Variants in MRTFB observed in about 807,000 individuals in gnomAD.
The protein encoded by MRTFB is myocardin related transcription factor B, also known as myocardin-related transcription factor B.
MRTFB carries 29 observed loss-of-function variants against 104.2 expected under a neutral mutation model. The observed-to-expected ratio is 0.28, with a 90% CI of 0.21 to 0.38. MRTFB has a LOEUF of 0.38. MRTFB is among the 10% of genes least tolerant of loss of function. The probability of loss-of-function intolerance (pLI) is 1.00; values close to 1 mark genes in which losing one functional copy is unlikely to be tolerated. For missense variants in MRTFB, 1,270 were observed against 1,341.6 expected (o/e 0.95, Z 0.83); for synonymous variants, 535 against 519.5 (o/e 1.03, Z -0.41).
At chr16:14,068,398 T>A (rs571456297), upstream of MRTFB, among the ~76,000 whole-genome samples, 1 of 152,298 alleles carries the variant, frequency 6.6e-6, no homozygotes, top group East Asian at 1.9e-4. Context: ...CATCTTACAC[T>A]GGAGTCCTGA....
intron 2 of MRTFB, among the ~76,000 whole-genome samples, chr16:14,139,044 CATG>C (rs1567371062): frequency 1.3e-5 from 2 of 152,024 alleles, no homozygotes; most frequent in Non-Finnish European, 2.9e-5. Flanking sequence ...GCAACAAAAA[CATG>C]ATCCATAAAA....
chr16:14,195,069 T>A (rs2040373455), intron 3 of MRTFB, among the ~76,000 whole-genome samples: 1 of 152,236 alleles, frequency 6.6e-6, no homozygotes, highest in Non-Finnish European at 1.5e-5. Context: ...AGTGTCTGCA[T>A]TCTAGCATGC....
the MRTFB span, among the ~76,000 whole-genome samples, chr16:14,065,086 A>G: frequency 6.6e-6 from 1 of 152,186 alleles, no homozygotes; most frequent in Non-Finnish European, 1.5e-5. Context: ...CTTCCTGTCC[A>G]TGAGCGTGGA....
At chr16:14,090,539 C>G (rs984332624) in intron 2 of MRTFB, among the ~76,000 whole-genome samples, 1 of 152,134 alleles carries the variant, frequency 6.6e-6, no homozygotes, top group Non-Finnish European at 1.5e-5. Flanking sequence ...AGCTCACATG[C>G]CATGCTAGAA....
rs765837912 is a variant in MRTFB, at chr16:14,213,671, T to C, written c.352+51T>C. On this transcript the variant is annotated intron_variant, in intron 6 of 16. Coordinates refer to ENST00000571589, the MANE Select transcript of MRTFB (RefSeq NM_001308142.2). ...TGCTGTATTTTTTCAAGAAAAGAAG[T>C]GAGAATTTCCACCATTTCTGTTTAT... The C allele has an allele frequency of 4.6e-6, 6 of 1,317,604 alleles. No individual in the cohort carries two copies. In the African/African-American group the frequency reaches 9.0e-5, roughly 20 times the overall value. 81.6% of individuals were successfully genotyped at this position (1,317,604 alleles called of 1,614,324 possible).
chr16:14,035,866 C>T, the MRTFB span, among the ~76,000 whole-genome samples: 3 of 151,564 alleles, frequency 2.0e-5, no homozygotes, highest in Non-Finnish European at 2.9e-5. Context: ...AGTCTTTTAT[C>T]CCTCACCACC....
intron 4 of MRTFB, among the ~76,000 whole-genome samples, chr16:14,211,625 C>T (rs542541470): frequency 1.5e-4 from 23 of 152,108 alleles, no homozygotes; most frequent in Admixed American, 7.2e-4. Flanking sequence ...TTGTAGGTGA[C>T]GATTTGGTAA....
chr16:14,005,629 G>A, the MRTFB span, among the ~76,000 whole-genome samples: 48 of 152,296 alleles, frequency 3.2e-4, no homozygotes, highest in African/African-American at 8.9e-4. Context: ...TGCAAAGGCC[G>A]TACTATTTTC....
At chr16:14,032,913 C>G in the MRTFB span, among the ~76,000 whole-genome samples, 3 of 152,030 alleles carry the variant, frequency 2.0e-5, no homozygotes, top group Non-Finnish European at 1.5e-5. Context: ...CCTTGACCTC[C>G]TGGGCTCAAG....
chr16:14,122,681 A>T (rs771042491), intron 2 of MRTFB, among the ~76,000 whole-genome samples: 1 of 152,158 alleles, frequency 6.6e-6, no homozygotes, highest in African/African-American at 2.4e-5. Flanking sequence ...TTCTTTATCC[A>T]GTCTATCATT....
chr16:14,210,417 A>G, intron 4 of MRTFB, 109 bp downstream of exon 4: 2 of 759,768 alleles, frequency 2.6e-6, no homozygotes, highest in Non-Finnish European at 4.2e-6. Context: ...TTAATCAACA[A>G]ACAATTACCA....
intron 3 of MRTFB, chr16:14,195,670 T>A: frequency 1.7e-6 from 1 of 577,160 alleles, no homozygotes; most frequent in East Asian, 1.5e-4. Context: ...TACGCATTTG[T>A]ATTAAGAAAC....
intron 6 of MRTFB, chr16:14,214,791 T>C (rs1244681645): frequency 2.0e-5 from 3 of 152,220 alleles, no homozygotes; most frequent in African/African-American, 7.2e-5. Flanking sequence ...CTTCGAAGCA[T>C]CAAGGTGGTC....
the MRTFB span, among the ~76,000 whole-genome samples, chr16:14,016,807 A>ACCTATTC: frequency 0.31 from 43,812 of 141,370 alleles, 8,631 homozygotes; most frequent in South Asian, 0.47. Context: ...AAAGACCCTG[A>ACCTATTC]CCTATTCCCA....
intron 3 of MRTFB, among the ~76,000 whole-genome samples, chr16:14,176,793 C>G (rs1387996156): frequency 6.6e-6 from 1 of 152,210 alleles, no homozygotes; most frequent in Non-Finnish European, 1.5e-5. Context: ...TGCATAAATA[C>G]AGTGCTGTAA....
In MRTFB at chr16:14,252,435, C is replaced by T; in HGVS notation, c.2636C>T (p.Thr879Ile). 3 of 1,613,836 alleles carry T rather than the reference C, an allele frequency of 1.9e-6. No homozygotes were observed. Among genetic ancestry groups the T allele is most frequent in the Non-Finnish European group, 2.5e-6 (3 of 1,179,996 alleles). Residue 879 changes from threonine (T) to isoleucine (I), a missense_variant, in exon 15 of 17, where the codon ACA (threonine) becomes ATA (isoleucine). Coordinates refer to ENST00000571589, the MANE Select transcript of MRTFB (RefSeq NM_001308142.2). The part of the protein sequence containing the change: ...HSLFGSPVAK[T>I]KDPPRYEEAI... ...CTATTTGGGAGTCCAGTCGCCAAGA[C>T]AAAAGATCCCCCCCGCTATGAGGAG...
chr16:14,070,264 C>T (rs947974075), upstream of MRTFB, among the ~76,000 whole-genome samples: 2 of 152,222 alleles, frequency 1.3e-5, no homozygotes, highest in Non-Finnish European at 2.9e-5. Context: ...AATCCTATTT[C>T]ACAATGGAAA....
intron 2 of MRTFB, among the ~76,000 whole-genome samples, chr16:14,114,357 T>C (rs2036427064): frequency 6.6e-6 from 1 of 152,240 alleles, no homozygotes; most frequent in Non-Finnish European, 1.5e-5. Context: ...ATTTTAGGTA[T>C]GTTTTAATAC....
intron 2 of MRTFB, among the ~76,000 whole-genome samples, chr16:14,097,312 T>G (rs984144027): frequency 1.3e-5 from 2 of 152,242 alleles, no homozygotes; most frequent in Non-Finnish European, 2.9e-5. Flanking sequence ...TTCTGGTAGT[T>G]TAGCTAAACA....
Sources: gnomAD v4.1 joint callset for allele counts (sites outside exome capture counted in the v4.1 genomes callset) on GRCh38, gnomAD v4.1.1 for gene constraint, MANE v1.5 for transcripts, NCBI Gene and HGNC (gene_info 2026-07-23, HGNC 2026-07-21) for gene names.